Variants in RBBP6 observed in about 807,000 individuals in gnomAD.
RBBP6 encodes RB binding protein 6, ubiquitin ligase, also known as E3 ubiquitin-protein ligase RBBP6.
RBBP6 carries 25 observed loss-of-function variants against 167.7 expected under a neutral mutation model. The ratio of observed to expected loss-of-function variants is 0.15; its 90% CI spans 0.11 to 0.21. RBBP6 has a LOEUF of 0.21. RBBP6 is among the 10% of genes least tolerant of loss of function. The probability of loss-of-function intolerance (pLI) is 1.00; values close to 1 mark genes in which losing one functional copy is unlikely to be tolerated. For missense variants in RBBP6, 1,868 were observed against 2,134.2 expected (o/e 0.88, Z 2.46); for synonymous variants, 789 against 735.8 (o/e 1.07, Z -1.17).
At chr16:24,549,308 T>G (rs1898740895) in intron 3 of RBBP6, 12 of 1,152,890 alleles carry the variant, frequency 1.0e-5, no homozygotes, top group Non-Finnish European at 1.3e-5. Flanking sequence ...TGATGACATG[T>G]TCTACATTTG....
Position 24,569,764 on chromosome 16 carries a change from G to T in RBBP6, c.3074G>T (p.Gly1025Val). 1 of 1,613,960 alleles carries T rather than the reference G, an allele frequency of 6.2e-7. No individual in the cohort carries two copies. The highest frequency in any genetic ancestry group is 8.5e-7 in the Non-Finnish European group (1 of 1,179,988). ...GATAAAACCAAACGGAAGAATGATG[G>T]ATCTGCTGTGTCCAAAAAAGAAAAT... ...KGDKTKRKNDGSAVSKKENIV... is the reference protein window; with the variant it reads ...KGDKTKRKNDVSAVSKKENIV... Residue 1025 changes from glycine to valine, a missense_variant, in exon 17 of 18, where the codon GGA becomes GTA. Gly to Val is a moderately radical substitution (Grantham distance 109). Transcript: ENST00000319715.
In RBBP6 at chr16:24,559,625, T is replaced by G; in HGVS notation, c.795T>G (p.Ile265Met). 1.3e-6 allele frequency: 2 copies of G among 1,599,862 alleles called. No homozygotes were observed. Among genetic ancestry groups the G allele is most frequent in the Non-Finnish European group, 8.5e-7 (1 of 1,172,294 alleles). ...DELLCLICKD[I>M]MTDAVVIPCC... ...TGTTGTGTCTCATCTGCAAGGATAT[T>G]ATGACTGATGCTGTTGTGATTCCCT... is the stretch of plus-strand genomic sequence containing the variant. The change falls in exon 8 of 18, where the codon ATT becomes ATG. Residue 265 changes from isoleucine (I) to methionine (M), a missense_variant. By Grantham distance (10) the Ile-to-Met change is conservative. Transcript: ENST00000319715.
At chr16:24,540,828 G>A in intron 1 of RBBP6, 36 bp downstream of exon 1, 2 of 1,593,012 alleles carry the variant, frequency 1.3e-6, no homozygotes, top group Non-Finnish European at 1.7e-6. Context: ...TTTGGTGGCT[G>A]GAGAGAGATA....
intron 8 of RBBP6, 29 bp from the exon 9 acceptor site, chr16:24,561,583 T>G: frequency 6.4e-7 from 1 of 1,565,518 alleles, no homozygotes; most frequent in Non-Finnish European, 8.8e-7. Flanking sequence ...CTACTATGCT[T>G]TTATTAATAT....
chr16:24,567,020 T>C (rs921885111), intron 14 of RBBP6, 123 bp from the exon 15 acceptor site: 1 of 997,406 alleles, frequency 1.0e-6, no homozygotes, highest in African/African-American at 1.6e-5. Flanking sequence ...CTACACTAGT[T>C]GAATAGTTGG....
At chr16:24,545,719 C>A (rs1394914004) in intron 1 of RBBP6, among the ~76,000 whole-genome samples, 2 of 152,178 alleles carry the variant, frequency 1.3e-5, no homozygotes, top group Non-Finnish European at 2.9e-5. Flanking sequence ...ACCATTTTCT[C>A]TTTATTCATA....
chr16:24,560,711 T>TA (rs779894802), intron 8 of RBBP6, among the ~76,000 whole-genome samples: 1 of 151,880 alleles, frequency 6.6e-6, no homozygotes, highest in African/African-American at 2.4e-5. Flanking sequence ...GATTTTAAAA[T>TA]AAGAGTATAA....
chr16:24,539,586 A>AGCCAGGCCGCGTCCGCC lies in RBBP6; in HGVS notation c.-1040_-1024dup, dbSNP rs1287192055. On this transcript the variant is annotated 5_prime_UTR_variant, in exon 1 of 18. Coordinates refer to ENST00000319715, the MANE Select transcript of RBBP6 (RefSeq NM_006910.5). Reference sequence around the variant, plus strand: ...ACCCCGCAGTGGGGCGCTCGTCCGAAGCCAGGCCGCGTCCGCCATAGTACC... The same window carrying AGCCAGGCCGCGTCCGCC: ...ACCCCGCAGTGGGGCGCTCGTCCGAAGCCAGGCCGCGTCCGCCGCCAGGCCGCGTCCGCCATAGTACC... 1.3e-5 allele frequency: 2 copies of AGCCAGGCCGCGTCCGCC among 151,964 alleles called. No homozygotes were observed. Among genetic ancestry groups the AGCCAGGCCGCGTCCGCC allele is most frequent in the Non-Finnish European group, 2.9e-5 (2 of 68,010 alleles). The allele number at this position is 151,964 out of a possible 1,614,324, so 9.4% of individuals were successfully genotyped here.
At chr16:24,556,261 TA>T (rs1166609297) in intron 6 of RBBP6, 46 bp from the exon 7 acceptor site, 1 of 1,435,680 alleles carries the variant, frequency 7.0e-7, no homozygotes, top group Admixed American at 1.9e-5. Flanking sequence ...TAAATAAAGA[TA>T]ACTGCTTTTT....
At position 24,543,268 on chromosome 16, in the gene RBBP6, T is replaced by C. The variant is rs1487806464; in HGVS notation, c.166+2476T>C. ...ACATTTCCTTACAGTTTTGGAATTA[T>C]GTGCATGTTTAGGTCCCTTAAATCT... On this transcript the variant is annotated intron_variant, in intron 1 of 17. Transcript: ENST00000319715. Among the ~76,000 whole-genome samples the C allele has an allele frequency of 2.6e-5, 4 of 151,894 alleles. No individual in the cohort carries two copies. The East Asian group carries it at 5.8e-4, about 22-fold the overall frequency.
intron 4 of RBBP6, chr16:24,554,675 C>T (rs1471288322): frequency 6.6e-6 from 1 of 151,394 alleles, no homozygotes; most frequent in Non-Finnish European, 1.5e-5. Context: ...TGTTTTTATT[C>T]TTATGTACTG....
rs1489703301 is a variant in RBBP6, at chr16:24,561,923, C to G, written c.1051C>G (p.Gln351Glu). 9.9e-6 allele frequency: 16 copies of G among 1,613,722 alleles called. No individual in the cohort carries two copies. Among genetic ancestry groups the G allele is most frequent in the African/African-American group, 2.7e-5 (2 of 74,884 alleles). The change falls in exon 10 of 18, where the codon CAG becomes GAG. Residue 351 changes from glutamine to glutamate, a missense_variant. This residue lies in a region of RBBP6 where 245 missense variants were observed against 240.1 expected (regional missense o/e 1.02). Coordinates refer to ENST00000319715, the MANE Select transcript of RBBP6 (RefSeq NM_006910.5). ...PPIPPPRPLI[Q>E]RNLQPLMRSP... is the part of the protein sequence containing the mutation. Reference sequence around the variant, plus strand: ...AATACCACCTCCGAGACCACTGATTCAGAGGAACCTACAACCTCTGATGAG... The same window carrying G: ...AATACCACCTCCGAGACCACTGATTGAGAGGAACCTACAACCTCTGATGAG...
intron 17 of RBBP6, 91 bp downstream of exon 17, chr16:24,570,590 G>T: frequency 8.5e-7 from 1 of 1,181,060 alleles, no homozygotes; most frequent in Non-Finnish European, 1.1e-6. Flanking sequence ...TATTAATTAT[G>T]AATGCTGATC....
chr16:24,571,287 T>C lies in RBBP6; in HGVS notation c.4221T>C (p.Asp1407=). Residue 1407 remains aspartate (D), a synonymous_variant, in exon 18 of 18, where the codon GAT becomes GAC. Transcript: ENST00000319715. ...AAAAAGGGAAAACCAAAGATCGAGA[T>C]TATTCAGTGTTGGAAAAGGAGAACC... ...SSEKGKTKDR[D]YSVLEKENPE... The C allele has an allele frequency of 6.2e-7, 1 of 1,613,488 alleles. No homozygotes were observed. The highest frequency in any genetic ancestry group is 8.5e-7 in the Non-Finnish European group (1 of 1,179,884).
At position 24,563,516 on chromosome 16, in the gene RBBP6, T is replaced by A; in HGVS notation, c.1465+15T>A. On this transcript the variant is annotated intron_variant, in intron 12 of 17. Transcript: ENST00000319715. ...CCCCACAACTGGTGAGTAAGATCAC[T>A]TTGGTTTAGACCTTTTTCCCTTTAA... 1 of 1,613,088 alleles carries A rather than the reference T, an allele frequency of 6.2e-7. No homozygotes were observed. The highest frequency in any genetic ancestry group is 8.5e-7 in the Non-Finnish European group (1 of 1,179,438).
In RBBP6 at chr16:24,572,161, A is replaced by G; in HGVS notation, c.5095A>G (p.Ser1699Gly). 1 of 1,614,202 alleles carries G rather than the reference A, an allele frequency of 6.2e-7. No homozygotes were observed. The highest frequency in any genetic ancestry group is 1.1e-5 in the South Asian group (1 of 91,074). The change falls in exon 18 of 18, where the codon AGC becomes GGC. Residue 1699 changes from serine (S) to glycine (G), a missense_variant. This residue lies in a region of RBBP6 where 591 missense variants were observed against 540.5 expected (regional missense o/e 1.09). Coordinates refer to ENST00000319715, the MANE Select transcript of RBBP6 (RefSeq NM_006910.5). ...RNQSHSSPSVSPSRSHSPSGS... is the reference protein window; with the variant it reads ...RNQSHSSPSVGPSRSHSPSGS... ...TCAGAGCCACAGCAGCCCCAGCGTCAGCCCCAGCAGAAGCCACAGTCCTTC... is the reference window on the plus strand; with the variant it reads ...TCAGAGCCACAGCAGCCCCAGCGTCGGCCCCAGCAGAAGCCACAGTCCTTC...
In RBBP6 at chr16:24,539,599, C is replaced by T. The variant is rs918224498; in HGVS notation, c.-1028C>T. 1.3e-5 allele frequency: 2 copies of T among 152,338 alleles called. No homozygotes were observed. The highest frequency in any genetic ancestry group is 1.9e-4 in the East Asian group (1 of 5,144). The allele number at this position is 152,338 out of a possible 1,614,324, so 9.4% of individuals were successfully genotyped here. ...GCGCTCGTCCGAAGCCAGGCCGCGT[C>T]CGCCATAGTACCTGGCTTGGAGGTG... On this transcript the variant is annotated 5_prime_UTR_variant, in exon 1 of 18. Transcript: ENST00000319715.
At position 24,571,820 on chromosome 16, in the gene RBBP6, A is replaced by G; in HGVS notation, c.4754A>G (p.Asn1585Ser). ...AGGAACAATAAAGAGTCAAGTGGCA[A>G]TAAACTACTTTATATACTTAACCCA... ...EARNNKESSG[N>S]KLLYILNPPE... The change falls in exon 18 of 18, where the codon AAT (asparagine) becomes AGT (serine). Residue 1585 changes from asparagine (N) to serine (S), a missense_variant. Asn to Ser is a conservative substitution (Grantham distance 46). Coordinates refer to ENST00000319715, the MANE Select transcript of RBBP6 (RefSeq NM_006910.5). The G allele has an allele frequency of 6.2e-7, 1 of 1,614,138 alleles. No individual in the cohort carries two copies. The highest frequency in any genetic ancestry group is 1.1e-5 in the South Asian group (1 of 91,068).
rs1433516498 is a variant in RBBP6 at position 24,559,640 on chromosome 16, T to G, written c.810T>G (p.Val270=). ...GCAAGGATATTATGACTGATGCTGT[T>G]GTGATTCCCTGCTGTGGAAACAGTT... The part of the protein sequence containing the change: ...LICKDIMTDA[V]VIPCCGNSYC... Residue 270 remains valine (V), a synonymous_variant, in exon 8 of 18, where the codon GTT becomes GTG. Transcript: ENST00000319715. 1 of 1,581,390 alleles carries G rather than the reference T, an allele frequency of 6.3e-7. No individual in the cohort carries two copies. The highest frequency in any genetic ancestry group is 1.2e-5 in the South Asian group (1 of 84,700).
Sources: allele counts gnomAD v4.1 joint callset (sites outside exome capture counted in the v4.1 genomes callset), GRCh38; gene constraint gnomAD v4.1.1; regional missense constraint gnomAD v4.1.1; transcripts MANE v1.5; gene names NCBI Gene and HGNC (gene_info 2026-07-23, HGNC 2026-07-21).